The following CARS1 variants were observed in gnomAD, a reference collection of about 807,000 sequenced individuals.
CARS1 encodes cysteine--tRNA ligase, cytoplasmic.
Under a neutral mutation model 106.2 loss-of-function variants are expected in CARS1, and 48 were observed. That is an observed-to-expected ratio of 0.45 (90% CI 0.36 to 0.57). The LOEUF (loss-of-function observed/expected upper bound fraction) is 0.57. Ranked by LOEUF, CARS1 falls within the 20% of genes least tolerant of loss-of-function variation. The pLI, the probability that CARS1 is intolerant of heterozygous loss-of-function variation, is 0.00. For missense variants in CARS1, 968 were observed against 1,057.2 expected (o/e 0.92, Z 1.17); for synonymous variants, 409 against 403.4 (o/e 1.01, Z -0.17).
Position 3,045,825 on chromosome 11 carries a change from C to T in CARS1, c.274+1928G>A, listed in dbSNP as rs1275991798. On this transcript the variant is annotated intron_variant, in intron 2 of 22. Coordinates refer to ENST00000380525, the MANE Select transcript of CARS1 (RefSeq NM_001014437.3). The surrounding 1 kb of genome is among the most constrained non-coding windows in gnomAD (Gnocchi z 5.6). ...GTGGGGGAAGCAGCTCTGATTGTCACAGCTACATGGAGGGAGATCCACAGC... is the reference window on the plus strand; with the variant it reads ...GTGGGGGAAGCAGCTCTGATTGTCATAGCTACATGGAGGGAGATCCACAGC... 6.6e-6 allele frequency among the ~76,000 whole-genome samples: 1 copy of T among 152,196 alleles called. No homozygotes were observed. Among genetic ancestry groups the T allele is most frequent in the Non-Finnish European group, 1.5e-5 (1 of 68,026 alleles).
chr11:3,024,817 T>C (rs1052347062), intron 10 of CARS1, among the ~76,000 whole-genome samples: 1 of 152,228 alleles, frequency 6.6e-6, no homozygotes, highest in African/African-American at 2.4e-5. Flanking sequence ...TGAGGGTTCC[T>C]TGAAAACGGT....
Position 3,044,219 on chromosome 11 carries a change from A to C in CARS1, c.275-1963T>G, listed in dbSNP as rs1854840375. On this transcript the variant is annotated intron_variant, in intron 2 of 22. Transcript: ENST00000380525. The surrounding 1 kb of genome is among the most constrained non-coding windows in gnomAD (Gnocchi z 4.4). ...TCATCACACTCACCCTGCTATGAGG[A>C]AACGGCCCAGGGTTCACAGGACTGA... is the stretch of plus-strand genomic sequence containing the variant. Among the ~76,000 whole-genome samples the C allele has an allele frequency of 6.6e-6, 1 of 152,180 alleles. No homozygotes were observed. The highest frequency in any genetic ancestry group is 1.5e-5 in the Non-Finnish European group (1 of 68,036).
At position 3,037,957 on chromosome 11, in the gene CARS1, A is replaced by C. The variant is rs2134242680; in HGVS notation, c.801+93T>G. On this transcript the variant is annotated intron_variant, in intron 7 of 22. Transcript: ENST00000380525. This position sits in a 1 kb window ranked among gnomAD's most constrained non-coding sequence, Gnocchi z 5.9. The stretch of plus-strand genomic sequence containing the variant: ...GACACAGAGTGTCTTCCACTAAGAC[A>C]ATCTGTGGAATCAATCCGTGCACAC... The C allele has an allele frequency of 1.6e-6, 2 of 1,285,772 alleles. 1 individual carries two copies. The highest frequency in any genetic ancestry group is 2.8e-5 in the South Asian group (2 of 71,672). The allele number at this position is 1,285,772 out of a possible 1,614,324, so 79.6% of individuals were successfully genotyped here. A position where few individuals can be genotyped will look rare whatever the true frequency, so the allele number is the denominator to read the frequency against.
In CARS1 at chr11:3,045,772, C is replaced by T. The variant is rs577325970; in HGVS notation, c.274+1981G>A. On this transcript the variant is annotated intron_variant, in intron 2 of 22. Coordinates refer to ENST00000380525, the MANE Select transcript of CARS1 (RefSeq NM_001014437.3). This position sits in a 1 kb window ranked among gnomAD's most constrained non-coding sequence, Gnocchi z 5.6. ...AAGGTGCATGCTTGGGGAGTATGAG[C>T]CATGGAAAGAGAGGGCGTTCCCACT... Among the ~76,000 whole-genome samples, 18 of 152,296 alleles carry T rather than the reference C, an allele frequency of 1.2e-4. No individual in the cohort carries two copies. The highest frequency in any genetic ancestry group is 4.3e-4 in the African/African-American group (18 of 41,576).
intron 1 of CARS1, among the ~76,000 whole-genome samples, chr11:3,051,018 C>G (rs904260059): frequency 6.6e-6 from 1 of 152,260 alleles, no homozygotes; most frequent in Admixed American, 6.5e-5. Context: ...GATGAGTGGA[C>G]AGCAGAATGG....
rs1326597699 is a variant in CARS1, at chr11:3,020,563, A to G, written c.1154-231T>C. 6.6e-6 allele frequency among the ~76,000 whole-genome samples: 1 copy of G among 152,192 alleles called. No homozygotes were observed. Among genetic ancestry groups the G allele is most frequent in the Non-Finnish European group, 1.5e-5 (1 of 68,034 alleles). ...AATCCCCAAAGTCACCAGCTTATATACCTGGCTGACTTGAGGCCACATCTG... is the reference window on the plus strand; with the variant it reads ...AATCCCCAAAGTCACCAGCTTATATGCCTGGCTGACTTGAGGCCACATCTG... On this transcript the variant is annotated intron_variant, in intron 10 of 22. Transcript: ENST00000380525. The surrounding 1 kb of genome is among the most constrained non-coding windows in gnomAD (Gnocchi z 4.6).
intron 18 of CARS1, 72 bp downstream of exon 18, chr11:3,012,123 G>A: frequency 7.3e-7 from 1 of 1,367,694 alleles, no homozygotes; most frequent in Non-Finnish European, 1.0e-6. Flanking sequence ...TAGTGCCTCG[G>A]GGGAGACGCC....
At chr11:3,054,889 C>T (rs759427276) in intron 1 of CARS1, 82 of 702,464 alleles carry the variant, frequency 1.2e-4, no homozygotes, top group African/African-American at 1.0e-4. Context: ...GATGAGCAGC[C>T]GACCAAGTGG....
At position 3,040,928 on chromosome 11, in the gene CARS1, G is replaced by T; in HGVS notation, c.423C>A (p.Thr141=). The T allele has an allele frequency of 6.2e-7, 1 of 1,614,146 alleles. No homozygotes were observed. Among genetic ancestry groups the T allele is most frequent in the Non-Finnish European group, 8.5e-7 (1 of 1,180,032 alleles). Residue 141 remains threonine, a synonymous_variant, in exon 4 of 23, where the codon ACC becomes ACA. Coordinates refer to ENST00000380525, the MANE Select transcript of CARS1 (RefSeq NM_001014437.3). The surrounding 1 kb of genome is among the most constrained non-coding windows in gnomAD (Gnocchi z 5.8). Reference sequence around the variant, plus strand: ...GCCCCATGTGAGATGCGTCATAGACGGTTGGCCCACAGCAATACCACGTCA... The same window carrying T: ...GCCCCATGTGAGATGCGTCATAGACTGTTGGCCCACAGCAATACCACGTCA... ...KKVTWYCCGP[T]VYDASHMGHA...
In CARS1 at chr11:3,039,409, A is replaced by G. The variant is rs1590494273; in HGVS notation, c.553-117T>C. 3.0e-6 allele frequency: 2 copies of G among 670,522 alleles called. No individual in the cohort carries two copies. Among genetic ancestry groups the G allele is most frequent in the East Asian group, 5.5e-5 (2 of 36,382 alleles). 41.5% of individuals were successfully genotyped at this position (670,522 alleles called of 1,614,324 possible). On this transcript the variant is annotated intron_variant, in intron 5 of 22. Transcript: ENST00000380525. The surrounding 1 kb of genome is among the most constrained non-coding windows in gnomAD (Gnocchi z 5.6). ...GTGAGGGTGAGGGTGGTGGGAGACAACTGTGGGCCCCGGACGTGCACACCA... is the reference window on the plus strand; with the variant it reads ...GTGAGGGTGAGGGTGGTGGGAGACAGCTGTGGGCCCCGGACGTGCACACCA...
chr11:3,005,779 T>C (rs1448125946), intron 19 of CARS1, among the ~76,000 whole-genome samples: 1 of 151,988 alleles, frequency 6.6e-6, no homozygotes, highest in Admixed American at 6.6e-5. Context: ...ACCCAGCTAA[T>C]GTTTTGTATT....
chr11:3,031,991 C>T (rs1279100629), intron 7 of CARS1, among the ~76,000 whole-genome samples: 5 of 10,582 alleles, frequency 4.7e-4, no homozygotes, highest in Non-Finnish European at 7.7e-4. Context: ...TTTCTCCTTC[C>T]TTCCTTCCCT....
In CARS1 at chr11:3,017,440, C is replaced by T. The variant is rs1361926274; in HGVS notation, c.1728-145G>A. Reference sequence around the variant, plus strand: ...GGCGGATCACCTGAGGTCGGGAGTTCGAGACCAGCCTGACAAACATGGAGA... The same window carrying T: ...GGCGGATCACCTGAGGTCGGGAGTTTGAGACCAGCCTGACAAACATGGAGA... On this transcript the variant is annotated intron_variant, in intron 15 of 22. Coordinates refer to ENST00000380525, the MANE Select transcript of CARS1 (RefSeq NM_001014437.3). This position sits in a 1 kb window ranked among gnomAD's most constrained non-coding sequence, Gnocchi z 4.9. 3.1e-6 allele frequency: 2 copies of T among 644,594 alleles called. No individual in the cohort carries two copies. Among genetic ancestry groups the T allele is most frequent in the Middle Eastern group, 2.7e-4 (1 of 3,770 alleles). 39.9% of individuals were successfully genotyped at this position (644,594 alleles called of 1,614,324 possible). A position where few individuals can be genotyped will look rare whatever the true frequency, so the allele number is the denominator to read the frequency against.
rs1054682679 is a variant in CARS1, at chr11:3,003,420, C to T, written c.2218-820G>A. ...AGTTGAAAATCACATTTACTTTGGA[C>T]AGCCTAGATATCAGAGGCTTCCTGG... On this transcript the variant is annotated intron_variant, in intron 20 of 22. Transcript: ENST00000380525. The surrounding 1 kb of genome is among the most constrained non-coding windows in gnomAD (Gnocchi z 4.8). 2.0e-5 allele frequency among the ~76,000 whole-genome samples: 3 copies of T among 152,182 alleles called. No individual in the cohort carries two copies. Among genetic ancestry groups the T allele is most frequent in the African/African-American group, 7.2e-5 (3 of 41,448 alleles).
chr11:3,029,225 T>G lies in CARS1; in HGVS notation c.942+78A>C. On this transcript the variant is annotated intron_variant, in intron 8 of 22. Transcript: ENST00000380525. The surrounding 1 kb of genome is among the most constrained non-coding windows in gnomAD (Gnocchi z 5.9). ...TGTTGACTTGGCCGCTTAATTGAGC[T>G]GGCCTTGCCAAAACAGGAATTTAGA... 1 of 1,543,210 alleles carries G rather than the reference T, an allele frequency of 6.5e-7. No homozygotes were observed. The highest frequency in any genetic ancestry group is 8.9e-7 in the Non-Finnish European group (1 of 1,119,078).
At position 3,045,145 on chromosome 11, in the gene CARS1, C is replaced by T. The variant is rs1169637229; in HGVS notation, c.274+2608G>A. 1.3e-5 allele frequency among the ~76,000 whole-genome samples: 2 copies of T among 152,150 alleles called. No homozygotes were observed. The highest frequency in any genetic ancestry group is 1.9e-4 in the East Asian group (1 of 5,192). On this transcript the variant is annotated intron_variant, in intron 2 of 22. Transcript: ENST00000380525. This position sits in a 1 kb window ranked among gnomAD's most constrained non-coding sequence, Gnocchi z 5.6. The stretch of plus-strand genomic sequence containing the variant: ...GGTGAGAAGTGCTCAACAAGTTCAA[C>T]GTCCTGATATCCAGTGGACCTCCGT...
chr11:3,039,260 G>C lies in CARS1; in HGVS notation c.585C>G (p.Phe195Leu), dbSNP rs61737271. The change falls in exon 6 of 23, where the codon TTC becomes TTG. Residue 195 changes from phenylalanine to leucine, a missense_variant. Phe to Leu is a conservative substitution (Grantham distance 22, BLOSUM62 0). Coordinates refer to ENST00000380525, the MANE Select transcript of CARS1 (RefSeq NM_001014437.3). This position sits in a 1 kb window ranked among gnomAD's most constrained non-coding sequence, Gnocchi z 5.6. ...CAGGCCTCTTCTCCCGATACTGCTC[G>C]AACAGGTGGTTCTGCCGGGCCCTCT... is the stretch of plus-strand genomic sequence containing the variant. ...IIKRARQNHL[F>L]EQYREKRPEA... 1.4e-5 allele frequency: 23 copies of C among 1,613,482 alleles called. No individual in the cohort carries two copies. The East Asian group carries it at 4.7e-4, about 33-fold the overall frequency.
In CARS1 at chr11:3,025,469, C is replaced by T. The variant is rs577448369; in HGVS notation, c.1153+1207G>A. ...TCTCGAACTCCCAACCTCAGGTGATCCACCCACCTCGGCCTCCAAAAGTGC... is the reference window on the plus strand; with the variant it reads ...TCTCGAACTCCCAACCTCAGGTGATTCACCCACCTCGGCCTCCAAAAGTGC... On this transcript the variant is annotated intron_variant, in intron 10 of 22. Coordinates refer to ENST00000380525, the MANE Select transcript of CARS1 (RefSeq NM_001014437.3). Among the ~76,000 whole-genome samples the T allele has an allele frequency of 5.3e-5, 8 of 152,336 alleles. No individual in the cohort carries two copies. In the South Asian group the frequency reaches 1.7e-3, roughly 32 times the overall value.
chr11:3,018,374 T>A lies in CARS1; in HGVS notation c.1629+34A>T, dbSNP rs756342519. The A allele has an allele frequency of 2.0e-6, 3 of 1,470,338 alleles. No homozygotes were observed. The East Asian group carries it at 6.8e-5, about 33-fold the overall frequency. The allele number at this position is 1,470,338 out of a possible 1,614,324, so 91.1% of individuals were successfully genotyped here. A position where few individuals can be genotyped will look rare whatever the true frequency, so the allele number is the denominator to read the frequency against. Reference sequence around the variant, plus strand: ...GTGCCCACTGTGCAGGGGAGGCTGCTCCACCAACCTCCAGGAAGGGGCTGG... The same window carrying A: ...GTGCCCACTGTGCAGGGGAGGCTGCACCACCAACCTCCAGGAAGGGGCTGG... On this transcript the variant is annotated intron_variant, in intron 14 of 22. Transcript: ENST00000380525.
Sources: allele counts gnomAD v4.1 joint callset (sites outside exome capture counted in the v4.1 genomes callset), GRCh38; gene constraint gnomAD v4.1.1; non-coding constraint Gnocchi (gnomAD v3.1); transcripts MANE v1.5; gene names NCBI Gene and HGNC (gene_info 2026-07-23, HGNC 2026-07-21).